Variants in DIPK2B observed in about 807,000 individuals in gnomAD.
DIPK2B encodes the protein UPF0672 protein CXorf36.
In DIPK2B, 15 loss-of-function variants were observed where a neutral mutation model predicts 22.2. The ratio of observed to expected loss-of-function variants is 0.68; its 90% CI spans 0.45 to 1.04. The LOEUF is 1.04. DIPK2B is among the 50% of genes least tolerant of loss of function. The pLI, the probability that DIPK2B is intolerant of heterozygous loss-of-function variation, is 0.00. For synonymous variants in DIPK2B, 163 were observed against 153.2 expected, an observed-to-expected ratio of 1.06 and a Z score of -0.47; for missense variants, 345 against 348.3, an observed-to-expected ratio of 0.99 and a Z score of 0.08.
chrX:45,182,492 A>C (rs2047160582), intron 2 of DIPK2B, among the ~76,000 whole-genome samples: 1 of 112,914 alleles, frequency 8.9e-6, no homozygotes. Flanking sequence ...ACTTAGCAGA[A>C]TCAACTAAAT....
At chrX:45,195,740 C>T (rs1298257482) in intron 1 of DIPK2B, among the ~76,000 whole-genome samples, 2 of 112,593 alleles carry the variant, frequency 1.8e-5, no homozygotes, top group Non-Finnish European at 3.7e-5. Context: ...GCATTGCCTG[C>T]TGCTCTTCTT....
At position 45,151,842 on chromosome X, in the gene DIPK2B, T is replaced by C. The variant is rs1320407823; in HGVS notation, c.1112A>G (p.Gln371Arg). 2 of 1,210,283 alleles carry C rather than the reference T, an allele frequency of 1.7e-6. No individual in the cohort carries two copies. The highest frequency in any genetic ancestry group is 3.5e-5 in the African/African-American group (2 of 57,381). The change falls in exon 5 of 5, where the codon CAG (glutamine) becomes CGG (arginine). Residue 371 changes from glutamine (Q) to arginine (R), a missense_variant. Physicochemically the swap from Gln to Arg is conservative, Grantham distance 43. Coordinates refer to ENST00000398000, the MANE Select transcript of DIPK2B (RefSeq NM_176819.4). ...VCQKLLPRLLQGRFPSPVQDD... is the reference protein window; with the variant it reads ...VCQKLLPRLLRGRFPSPVQDD... ...TTGCACTGGGGAGGGGAACCTCCCC[T>C]GGAGAAGTCGAGGCAGCAACTTCTG...
At chrX:45,162,753 C>A in intron 2 of DIPK2B, 3 of 754,330 alleles carry the variant, frequency 4.0e-6, no homozygotes, top group Non-Finnish European at 4.7e-6. Context: ...TCTGTTGCCC[C>A]TCTCTCTCCC....
chrX:45,185,035 C>T (rs762890837), intron 2 of DIPK2B, among the ~76,000 whole-genome samples: 2 of 111,596 alleles, frequency 1.8e-5, no homozygotes, highest in Non-Finnish European at 3.8e-5. Context: ...GGTTTTGTGG[C>T]TTAATACACA....
Position 45,157,875 on chromosome X carries a change from G to C in DIPK2B, c.512C>G (p.Pro171Arg), listed in dbSNP as rs1005681023. ...TPDLVQGLAS[P>R]LLRCPSQRLL... ...TCGCTGCGAAGGGCAGCGCAGGAGC[G>C]GGCTGGCCAGGCCCTACGCGCAGGT... Residue 171 changes from proline to arginine, a missense_variant, in exon 3 of 5, where the codon CCG (proline) becomes CGG (arginine). Pro to Arg is a moderately radical substitution (Grantham distance 103). Coordinates refer to ENST00000398000, the MANE Select transcript of DIPK2B (RefSeq NM_176819.4). 34 of 1,149,900 alleles carry C rather than the reference G, an allele frequency of 3.0e-5. No homozygotes were observed. The highest frequency in any genetic ancestry group is 6.4e-4 in the Middle Eastern group (2 of 3,112). 94.8% of individuals were successfully genotyped at this position (1,149,900 alleles called of 1,213,427 possible). A position where few individuals can be genotyped will look rare whatever the true frequency, so the allele number is the denominator to read the frequency against.
intron 2 of DIPK2B, among the ~76,000 whole-genome samples, chrX:45,185,174 A>G (rs1403307462): frequency 1.8e-5 from 2 of 111,927 alleles, no homozygotes; most frequent in Non-Finnish European, 1.9e-5. Flanking sequence ...TTATAGATAA[A>G]TACTATATAT....
At chrX:45,186,211 A>G (rs1168345763) in intron 2 of DIPK2B, among the ~76,000 whole-genome samples, 5 of 112,080 alleles carry the variant, frequency 4.5e-5, no homozygotes, top group Non-Finnish European at 9.4e-5. Flanking sequence ...TTCCAATTCC[A>G]TGACTGGAAG....
chrX:45,169,641 T>C (rs1415522693), intron 2 of DIPK2B, among the ~76,000 whole-genome samples: 2 of 112,053 alleles, frequency 1.8e-5, no homozygotes, highest in Non-Finnish European at 3.8e-5. Context: ...CTGGACATCA[T>C]AGACACTGTT....
chrX:45,198,968 C>T (rs2047253911), intron 1 of DIPK2B, among the ~76,000 whole-genome samples: 1 of 111,420 alleles, frequency 9.0e-6, no homozygotes, highest in Admixed American at 9.5e-5. Context: ...CCTGCCAACA[C>T]CACCAGTCCG....
intron 2 of DIPK2B, among the ~76,000 whole-genome samples, chrX:45,176,440 T>A (rs2047118828): frequency 8.9e-6 from 1 of 112,164 alleles, no homozygotes; most frequent in Non-Finnish European, 1.9e-5. Context: ...CTACAGTCCC[T>A]TCCCCAACCC....
At chrX:45,157,188 G>A (rs1002109124) in intron 3 of DIPK2B, among the ~76,000 whole-genome samples, 1 of 111,586 alleles carries the variant, frequency 9.0e-6, no homozygotes, top group Non-Finnish European at 1.9e-5. Context: ...CCACTGGACT[G>A]GAAGCTGCAT....
intron 2 of DIPK2B, among the ~76,000 whole-genome samples, chrX:45,191,043 C>T (rs967572246): frequency 8.9e-6 from 1 of 112,434 alleles, no homozygotes; most frequent in Non-Finnish European, 1.9e-5. Context: ...GCATCTTCTG[C>T]GCAAAGGGGC....
intron 1 of DIPK2B, among the ~76,000 whole-genome samples, chrX:45,193,929 C>T (rs1041128653): frequency 1.8e-5 from 2 of 110,356 alleles, no homozygotes; most frequent in Admixed American, 1.9e-4. Context: ...CCCCCACTCC[C>T]CGGCCACTAA....
intron 2 of DIPK2B, among the ~76,000 whole-genome samples, chrX:45,178,859 G>A (rs957263015): frequency 5.4e-5 from 6 of 111,694 alleles, no homozygotes; most frequent in African/African-American, 2.0e-4. Flanking sequence ...AGAGATGAAA[G>A]CTGAAGTTTG....
rs143391805 is a variant in DIPK2B at position 45,179,459 on chromosome X, G to T, written c.498+12292C>A. Among the ~76,000 whole-genome samples, 479 of 110,922 alleles carry T rather than the reference G, an allele frequency of 4.3e-3. 4 individuals carry two copies. Among genetic ancestry groups the T allele is most frequent in the African/African-American group, 0.015 (453 of 30,601 alleles). On this transcript the variant is annotated intron_variant, in intron 2 of 4. Coordinates refer to ENST00000398000, the MANE Select transcript of DIPK2B (RefSeq NM_176819.4). ...CAGAAGTGGAAGCAGAGATAATCCA[G>T]ATATTATAGTAGAAACAAGGAATTA...
intron 1 of DIPK2B, among the ~76,000 whole-genome samples, chrX:45,195,961 G>T (rs1370771376): frequency 8.9e-6 from 1 of 111,980 alleles, no homozygotes; most frequent in Non-Finnish European, 1.9e-5. Flanking sequence ...CCCCAGTTGG[G>T]ACCTTCCCAC....
At chrX:45,187,833 T>C (rs1011297719) in intron 2 of DIPK2B, among the ~76,000 whole-genome samples, 1 of 111,318 alleles carries the variant, frequency 9.0e-6, no homozygotes, top group Non-Finnish European at 1.9e-5. Flanking sequence ...GTCAGTTCTC[T>C]GAAAAGAGCC....
At chrX:45,154,879 A>G (rs2046984491) in intron 3 of DIPK2B, among the ~76,000 whole-genome samples, 1 of 110,911 alleles carries the variant, frequency 9.0e-6, no homozygotes, top group Non-Finnish European at 1.9e-5. Context: ...GCATGATCAG[A>G]GTTCACTGCA....
intron 2 of DIPK2B, among the ~76,000 whole-genome samples, chrX:45,169,306 C>T (rs113611168): frequency 8.1e-5 from 9 of 111,227 alleles, no homozygotes; most frequent in African/African-American, 2.6e-4. Context: ...CCAAACGCAA[C>T]ACCTTTTTCT....
Sources: gnomAD v4.1 joint callset for allele counts (sites outside exome capture counted in the v4.1 genomes callset) on GRCh38, gnomAD v4.1.1 for gene constraint, MANE v1.5 for transcripts, NCBI Gene and HGNC (gene_info 2026-07-23, HGNC 2026-07-21) for gene names.